The following LPP variants were observed in gnomAD, a reference collection of about 807,000 sequenced individuals.
The protein encoded by LPP is lipoma-preferred partner.
In LPP, 38 loss-of-function variants were observed where a neutral mutation model predicts 60.4. The observed-to-expected ratio is 0.63, with a 90% CI of 0.49 to 0.83. The LOEUF (loss-of-function observed/expected upper bound fraction) is 0.83, where lower values mean the gene tolerates loss of function less well. Among genes scored for constraint, LPP ranks in the 40% least tolerant of loss-of-function variants. The probability of loss-of-function intolerance (pLI) is 0.00; values close to 1 mark genes in which losing one functional copy is unlikely to be tolerated. For synonymous variants in LPP, 328 were observed against 290.8 expected, an observed-to-expected ratio of 1.13 and a Z score of -1.30; for missense variants, 902 against 783.6, an observed-to-expected ratio of 1.15 and a Z score of -1.80.
intron 5 of LPP, among the ~76,000 whole-genome samples, chr3:188,486,512 G>A (rs1329795055): frequency 6.6e-6 from 1 of 152,146 alleles, no homozygotes; most frequent in Non-Finnish European, 1.5e-5. Flanking sequence ...CCACTGAGAA[G>A]GCGACGCTTA....
intron 2 of LPP, among the ~76,000 whole-genome samples, chr3:188,311,518 T>G (rs1021652887): frequency 6.7e-6 from 1 of 150,290 alleles, no homozygotes; most frequent in Non-Finnish European, 1.5e-5. Context: ...TAAACTAAAC[T>G]AAACTAAACT....
chr3:188,285,472 G>T (rs1342258106), intron 2 of LPP, among the ~76,000 whole-genome samples: 1 of 152,096 alleles, frequency 6.6e-6, no homozygotes, highest in Non-Finnish European at 1.5e-5. Flanking sequence ...AGGGTGGAGT[G>T]CAGTGGTGTG....
chr3:188,746,363 C>T (rs1320464237), intron 8 of LPP: 1 of 438,370 alleles, frequency 2.3e-6, no homozygotes, highest in Non-Finnish European at 4.6e-6. Flanking sequence ...GAAAAACACG[C>T]TGAATAGATG....
At chr3:188,529,292 A>G (rs1249531732) in intron 6 of LPP, among the ~76,000 whole-genome samples, 1 of 152,218 alleles carries the variant, frequency 6.6e-6, no homozygotes, top group Admixed American at 6.5e-5. Context: ...AGAAATGTAG[A>G]CCGTTAATGC....
chr3:188,559,309 A>G (rs1451293513), intron 6 of LPP, among the ~76,000 whole-genome samples: 2 of 152,102 alleles, frequency 1.3e-5, no homozygotes, highest in African/African-American at 4.8e-5. Flanking sequence ...AAGGCTGCTC[A>G]ATGATGGTGA....
intron 2 of LPP, among the ~76,000 whole-genome samples, chr3:188,233,851 C>T (rs143673428): frequency 1.3e-5 from 2 of 152,226 alleles, no homozygotes; most frequent in East Asian, 3.9e-4. Flanking sequence ...ATTTTCTTCG[C>T]TCCCAATCCC....
rs1783657400 is a variant in LPP, at chr3:188,407,047, C to A, written c.193+734C>A. The stretch of plus-strand genomic sequence containing the variant: ...TATTTTTACCAGTGAATGTTAGCAG[C>A]TTATTCAAACTCAAGAAAAAATAAC... On this transcript the variant is annotated intron_variant, in intron 4 of 11. Transcript: ENST00000617246. 2.0e-5 allele frequency among the ~76,000 whole-genome samples: 3 copies of A among 148,928 alleles called. No homozygotes were observed. The South Asian group carries it at 6.5e-4, about 32-fold the overall frequency.
intron 3 of LPP, among the ~76,000 whole-genome samples, chr3:188,364,431 G>C (rs1162405519): frequency 6.6e-6 from 1 of 152,148 alleles, no homozygotes; most frequent in African/African-American, 2.4e-5. Context: ...ACCAGACACA[G>C]CTTCTACACT....
At chr3:188,747,377 G>A (rs1262983440) in intron 8 of LPP, among the ~76,000 whole-genome samples, 1 of 152,184 alleles carries the variant, frequency 6.6e-6, no homozygotes, top group African/African-American at 2.4e-5. Context: ...TTAAAACCCA[G>A]TGATTCTGCT....
intron 7 of LPP, among the ~76,000 whole-genome samples, chr3:188,623,823 G>A (rs1846272348): frequency 1.3e-5 from 2 of 152,188 alleles, no homozygotes; most frequent in African/African-American, 4.8e-5. Flanking sequence ...TCCTTAACAT[G>A]AGGCCATTGG....
intron 6 of LPP, among the ~76,000 whole-genome samples, chr3:188,586,732 G>GT (rs11390616): frequency 0.4 from 57,094 of 144,240 alleles, 11,731 homozygotes; most frequent in Non-Finnish European, 0.43. Context: ...CTTAAACATT[G>GT]TTTTTTTTTT....
chr3:188,240,252 A>C, intron 2 of LPP: 1 of 173,482 alleles, frequency 5.8e-6, no homozygotes, highest in Non-Finnish European at 1.2e-5. Flanking sequence ...TTTTAAGCCA[A>C]AAAGTAGTGA....
At chr3:188,373,195 G>T (rs930290006) in intron 3 of LPP, among the ~76,000 whole-genome samples, 3 of 152,206 alleles carry the variant, frequency 2.0e-5, no homozygotes, top group African/African-American at 4.8e-5. Context: ...ATAGCAGCAT[G>T]ATTTATAATC....
chr3:188,213,838 A>G (rs567369203), intron 1 of LPP, among the ~76,000 whole-genome samples: 65 of 151,996 alleles, frequency 4.3e-4, no homozygotes, highest in African/African-American at 1.4e-3. Flanking sequence ...AAATTATGCA[A>G]TTTTCCCTGA....
intron 6 of LPP, among the ~76,000 whole-genome samples, chr3:188,549,627 G>T (rs759580488): frequency 2.6e-5 from 4 of 152,132 alleles, no homozygotes; most frequent in Non-Finnish European, 4.4e-5. Flanking sequence ...CTTGTCTCCA[G>T]AGTACAAGAT....
At chr3:188,222,640 A>T (rs1486899011) in intron 1 of LPP, among the ~76,000 whole-genome samples, 10 of 151,060 alleles carry the variant, frequency 6.6e-5, no homozygotes, top group Non-Finnish European at 1.3e-4. Context: ...TTTTTTTTTT[A>T]TCCTCTCTTT....
intron 6 of LPP, among the ~76,000 whole-genome samples, chr3:188,585,638 A>G (rs1474018844): frequency 2.6e-5 from 4 of 152,222 alleles, no homozygotes; most frequent in Admixed American, 2.0e-4. Context: ...CTACAAATAC[A>G]TGTTTTAAAA....
chr3:188,541,671 C>T (rs192743810), intron 6 of LPP, among the ~76,000 whole-genome samples: 17 of 152,048 alleles, frequency 1.1e-4, no homozygotes, highest in Admixed American at 3.3e-4. Context: ...CTGGGAAGGG[C>T]GGATCACCTG....
rs144753712 is a variant in LPP, at chr3:188,469,513, C to T, written c.194-15079C>T. 3.1e-3 allele frequency among the ~76,000 whole-genome samples: 479 copies of T among 152,156 alleles called. 2 individuals carry two copies. The highest frequency in any genetic ancestry group is 8.5e-3 in the South Asian group (41 of 4,814). ...AAGTGACCTAGTAATACTCCCCTAC[C>T]CAGGGGAATGTCGGGTTAATCAGTT... On this transcript the variant is annotated intron_variant, in intron 4 of 11. Coordinates refer to ENST00000617246, the MANE Select transcript of LPP (RefSeq NM_001375462.1).
Sources: gnomAD v4.1 joint callset for allele counts (sites outside exome capture counted in the v4.1 genomes callset) on GRCh38, gnomAD v4.1.1 for gene constraint, MANE v1.5 for transcripts, NCBI Gene and HGNC (gene_info 2026-07-23, HGNC 2026-07-21) for gene names.